The following HERC5 variants were observed in gnomAD, a reference collection of about 807,000 sequenced individuals.
HERC5 encodes HECT and RLD domain containing E3 ubiquitin protein ligase 5, also known as E3 ISG15--protein ligase HERC5.
Under a neutral mutation model 119.6 loss-of-function variants are expected in HERC5, and 99 were observed. That is an observed-to-expected ratio of 0.83 (90% CI 0.70 to 0.98). HERC5 has a LOEUF of 0.98. HERC5 is among the 50% of genes least tolerant of loss of function. HERC5 has a pLI of 0.00. For missense variants in HERC5, 1,267 were observed against 1,241.3 expected (o/e 1.02, Z -0.31); for synonymous variants, 478 against 445.9 (o/e 1.07, Z -0.91).
Position 88,462,365 on chromosome 4 carries a change from C to CACAT in HERC5, c.688+10_688+13dup. ...CCTGGGCCACACTGAGAGTATGGAA[C>CACAT]ACATTCTCAGATTCCTATTACCAAC... On this transcript the variant is annotated intron_variant, in intron 4 of 22. Coordinates refer to ENST00000264350, the MANE Select transcript of HERC5 (RefSeq NM_016323.4). 1 of 1,605,122 alleles carries CACAT rather than the reference C, an allele frequency of 6.2e-7. No homozygotes were observed. Among genetic ancestry groups the CACAT allele is most frequent in the Non-Finnish European group, 8.5e-7 (1 of 1,171,860 alleles).
At position 88,489,260 on chromosome 4, in the gene HERC5, G is replaced by A; in HGVS notation, c.2057G>A (p.Arg686Lys). 1 of 1,614,062 alleles carries A rather than the reference G, an allele frequency of 6.2e-7. No individual in the cohort carries two copies. Among genetic ancestry groups the A allele is most frequent in the African/African-American group, 1.3e-5 (1 of 75,058 alleles). The change falls in exon 16 of 23, where the codon AGA (arginine) becomes AAA (lysine). Residue 686 changes from arginine to lysine, a missense_variant. By Grantham distance (26) the Arg-to-Lys change is conservative. Transcript: ENST00000264350. ...AGGCCCACGTTTGATCTAACAGTCA[G>A]AAGGAATCACTTGATTGAGGATGTT... is the stretch of plus-strand genomic sequence containing the variant. ...ALRPTFDLTV[R>K]RNHLIEDVLN...
chr4:88,463,219 T>C lies in HERC5; in HGVS notation c.689-313T>C, dbSNP rs562517327. On this transcript the variant is annotated intron_variant, in intron 4 of 22. Transcript: ENST00000264350. Reference sequence around the variant, plus strand: ...AAGGAATTGCTATGTTCATTAAAAGTAATTCTAGATGGCTGTTGGAAATAT... The same window carrying C: ...AAGGAATTGCTATGTTCATTAAAAGCAATTCTAGATGGCTGTTGGAAATAT... Among the ~76,000 whole-genome samples, 215 of 152,362 alleles carry C rather than the reference T, an allele frequency of 1.4e-3. 1 individual carries two copies. The highest frequency in any genetic ancestry group is 2.5e-3 in the Admixed American group (39 of 15,310).
rs779188555 is a variant in HERC5 at position 88,505,881 on chromosome 4, A to C, written c.*3A>C. ...ACAACAACAGAGGATTTGGCTGACC[A>C]GCTTGCTTGTCCAACAGCCTTATTT... On this transcript the variant is annotated 3_prime_UTR_variant, in exon 23 of 23. Coordinates refer to ENST00000264350, the MANE Select transcript of HERC5 (RefSeq NM_016323.4). The C allele has an allele frequency of 3.7e-6, 6 of 1,600,944 alleles. 1 individual carries two copies. In the South Asian group the frequency reaches 5.6e-5, roughly 15 times the overall value.
In HERC5 at chr4:88,460,144, G is replaced by A. The variant is rs749133554; in HGVS notation, c.439G>A (p.Asp147Asn). The A allele has an allele frequency of 6.3e-7, 1 of 1,587,858 alleles. No homozygotes were observed. The highest frequency in any genetic ancestry group is 1.1e-5 in the South Asian group (1 of 89,166). Reference sequence around the variant, plus strand: ...AAAAATAATTCAGATCACATGTGGAGATTACCATTCTCTTGCACTCTCAAA... The same window carrying A: ...AAAAATAATTCAGATCACATGTGGAAATTACCATTCTCTTGCACTCTCAAA... ...EKKIIQITCG[D>N]YHSLALSKGG... Residue 147 changes from aspartate to asparagine, a missense_variant, in exon 3 of 23, where the codon GAT becomes AAT. Asp to Asn is a conservative substitution (Grantham distance 23, BLOSUM62 1). This residue lies in a region of HERC5 where 777 missense variants were observed against 758.0 expected (regional missense o/e 1.03). Coordinates refer to ENST00000264350, the MANE Select transcript of HERC5 (RefSeq NM_016323.4).
rs759343670 is a variant in HERC5, at chr4:88,487,189, C to T, written c.1962+10C>T. On this transcript the variant is annotated intron_variant, in intron 15 of 22. Transcript: ENST00000264350. Reference sequence around the variant, plus strand: ...ACTTTTAAAAATAGAGGTATGTATGCCTATTTGTCTTCATTAGCATAAATC... The same window carrying T: ...ACTTTTAAAAATAGAGGTATGTATGTCTATTTGTCTTCATTAGCATAAATC... 3 of 1,388,348 alleles carry T rather than the reference C, an allele frequency of 2.2e-6. No individual in the cohort carries two copies. Among genetic ancestry groups the T allele is most frequent in the South Asian group, 2.3e-5 (2 of 85,332 alleles). 86.0% of individuals were successfully genotyped at this position (1,388,348 alleles called of 1,614,324 possible).
Position 88,505,927 on chromosome 4 carries a change from T to C in HERC5, c.*49T>C. 1 of 1,340,092 alleles carries C rather than the reference T, an allele frequency of 7.5e-7. No homozygotes were observed. Among genetic ancestry groups the C allele is most frequent in the South Asian group, 1.3e-5 (1 of 76,642 alleles). 83.0% of individuals were successfully genotyped at this position (1,340,092 alleles called of 1,614,324 possible). On this transcript the variant is annotated 3_prime_UTR_variant, in exon 23 of 23. Transcript: ENST00000264350. The stretch of plus-strand genomic sequence containing the variant: ...TATTTTGTTGTTGTTATCGTTGTTG[T>C]TGTTGTTGTTGTTGTTGTTTCTCTA...
intron 17 of HERC5, 27 bp from the exon 18 acceptor site, chr4:88,494,138 C>CT (rs770357692): frequency 3.3e-6 from 5 of 1,509,542 alleles, no homozygotes; most frequent in Non-Finnish European, 4.5e-6. Flanking sequence ...ACTCATAATA[C>CT]TTTAAGATTT....
At chr4:88,492,697 G>C (rs1220016320) in intron 16 of HERC5, among the ~76,000 whole-genome samples, 1 of 152,054 alleles carries the variant, frequency 6.6e-6, no homozygotes, top group Non-Finnish European at 1.5e-5. Context: ...AGTGAGCCGA[G>C]ATCAGACCAC....
intron 20 of HERC5, 25 bp downstream of exon 20, chr4:88,501,010 G>A: frequency 2.0e-6 from 3 of 1,509,560 alleles, no homozygotes; most frequent in Non-Finnish European, 2.7e-6. Context: ...TGAAATAGTT[G>A]GTTTGTATAT....
At chr4:88,484,791 A>T (rs1741402276) in intron 13 of HERC5, among the ~76,000 whole-genome samples, 1 of 152,220 alleles carries the variant, frequency 6.6e-6, no homozygotes, top group Admixed American at 6.5e-5. Context: ...AACCATTGAA[A>T]ATTGAAGTTT....
chr4:88,462,378 T>A (rs1479426610), intron 4 of HERC5, 22 bp downstream of exon 4: 2 of 1,585,274 alleles, frequency 1.3e-6, no homozygotes, highest in South Asian at 1.1e-5. Flanking sequence ...ATTCTCAGAT[T>A]CCTATTACCA....
Position 88,457,186 on chromosome 4 carries a change from A to G in HERC5, c.-84A>G. 1 of 1,238,098 alleles carries G rather than the reference A, an allele frequency of 8.1e-7. No homozygotes were observed. Among genetic ancestry groups the G allele is most frequent in the Non-Finnish European group, 1.0e-6 (1 of 990,140 alleles). 76.7% of individuals were successfully genotyped at this position (1,238,098 alleles called of 1,614,324 possible). Reference sequence around the variant, plus strand: ...CAGCTGGTTCCCGCTCTGCAGCGCAACGCCTGAGGCAGTGGGCGCGCTCAG... The same window carrying G: ...CAGCTGGTTCCCGCTCTGCAGCGCAGCGCCTGAGGCAGTGGGCGCGCTCAG... On this transcript the variant is annotated 5_prime_UTR_variant, in exon 1 of 23. Coordinates refer to ENST00000264350, the MANE Select transcript of HERC5 (RefSeq NM_016323.4).
chr4:88,500,035 A>G (rs756350549), intron 19 of HERC5, 43 bp downstream of exon 19: 21 of 1,193,616 alleles, frequency 1.8e-5, no homozygotes, highest in Admixed American at 1.1e-4. Flanking sequence ...TTTTAATCTG[A>G]TTAACCCTTT....
At chr4:88,499,883 C>G (rs1325068312) in intron 18 of HERC5, 43 bp from the exon 19 acceptor site, 3 of 1,348,114 alleles carry the variant, frequency 2.2e-6, no homozygotes, top group Admixed American at 1.7e-5. Flanking sequence ...GTCTAGTGAT[C>G]ATGGTTATTA....
In HERC5 at chr4:88,467,153, C is replaced by G; in HGVS notation, c.1006C>G (p.Gln336Glu). The change falls in exon 7 of 23, where the codon CAG (glutamine) becomes GAG (glutamate). Residue 336 changes from glutamine (Q) to glutamate (E), a missense_variant. Physicochemically the swap from Gln to Glu is conservative, Grantham distance 29. Around this residue, in one of 3 missense-constraint regions of HERC5, gnomAD observed 777 missense variants for 758.0 expected, o/e 1.03. Coordinates refer to ENST00000264350, the MANE Select transcript of HERC5 (RefSeq NM_016323.4). ...GQLGNGGTRD[Q>E]LMPLPVKVSS... is the part of the protein sequence containing the mutation. ...ACTGGGAAATGGTGGAACACGTGAC[C>G]AGCTGATGCCGCTTCCAGTGAAAGT... is the stretch of plus-strand genomic sequence containing the variant. 6.2e-7 allele frequency: 1 copy of G among 1,614,126 alleles called. No individual in the cohort carries two copies. Among genetic ancestry groups the G allele is most frequent in the Non-Finnish European group, 8.5e-7 (1 of 1,180,006 alleles).
intron 12 of HERC5, among the ~76,000 whole-genome samples, chr4:88,479,059 G>A (rs928927568): frequency 2.0e-5 from 3 of 152,116 alleles, no homozygotes; most frequent in African/African-American, 4.8e-5. Context: ...GCAAAGGTGG[G>A]CGGATCACCT....
chr4:88,462,465 C>G, intron 4 of HERC5, 109 bp downstream of exon 4: 2 of 861,628 alleles, frequency 2.3e-6, no homozygotes, highest in Middle Eastern at 2.3e-4. Flanking sequence ...ATTTTCACTG[C>G]TCTTCCTGAT....
rs538332449 is a variant in HERC5 at position 88,466,172 on chromosome 4, G to A, written c.912-887G>A. Among the ~76,000 whole-genome samples, 3 of 150,574 alleles carry A rather than the reference G, an allele frequency of 2.0e-5. No individual in the cohort carries two copies. The East Asian group carries it at 5.9e-4, about 30-fold the overall frequency. On this transcript the variant is annotated intron_variant, in intron 6 of 22. Transcript: ENST00000264350. Reference sequence around the variant, plus strand: ...TGCTATCATGGCTTACTGCAGCCTTGACCTCCCAGGCTCAAGCAATCCTCC... The same window carrying A: ...TGCTATCATGGCTTACTGCAGCCTTAACCTCCCAGGCTCAAGCAATCCTCC...
At chr4:88,468,131 C>T (rs1457377232) in intron 7 of HERC5, among the ~76,000 whole-genome samples, 2 of 152,140 alleles carry the variant, frequency 1.3e-5, no homozygotes, top group African/African-American at 4.8e-5. Context: ...ACTGATGTCA[C>T]ATGTCCACCT....
Sources: gnomAD v4.1 joint callset for allele counts (sites outside exome capture counted in the v4.1 genomes callset) on GRCh38, gnomAD v4.1.1 for gene constraint, gnomAD v4.1.1 regional missense constraint, MANE v1.5 for transcripts, NCBI Gene and HGNC (gene_info 2026-07-23, HGNC 2026-07-21) for gene names.